SLC49A4: variants seen among roughly 807,000 people sequenced by gnomAD.
SLC49A4 encodes disrupted in renal cancer protein 2.
SLC49A4 carries 36 observed loss-of-function variants against 50.6 expected under a neutral mutation model. The observed-to-expected ratio is 0.71, with a 90% confidence interval of 0.55 to 0.94. SLC49A4 has a LOEUF of 0.94. Among genes scored for constraint, SLC49A4 ranks in the 40% least tolerant of loss-of-function variants. The pLI is 0.00. For missense variants in SLC49A4, 503 were observed against 605.7 expected (o/e 0.83, Z 1.78); for synonymous variants, 248 against 241.2 (o/e 1.03, Z -0.26).
At chr3:122,803,623 T>C (rs1002792268) in intron 1 of SLC49A4, among the ~76,000 whole-genome samples, 6 of 152,202 alleles carry the variant, frequency 3.9e-5, no homozygotes, top group Non-Finnish European at 8.8e-5. Flanking sequence ...TCACTTCAGC[T>C]GATGGAAGTG....
chr3:122,869,296 A>G (rs1159085119), intron 7 of SLC49A4, among the ~76,000 whole-genome samples: 1 of 152,120 alleles, frequency 6.6e-6, no homozygotes, highest in African/African-American at 2.4e-5. Flanking sequence ...GGAATTCTGT[A>G]TATTTACAGA....
rs188753796 is a variant in SLC49A4, at chr3:122,868,088, C to T, written c.1139-4327C>T. 1.1e-4 allele frequency among the ~76,000 whole-genome samples: 17 copies of T among 151,158 alleles called. No homozygotes were observed. In the East Asian group the frequency reaches 3.1e-3, roughly 28 times the overall value. ...CGAGATCACGCCACTGCACTCCAGC[C>T]TGGGCAACAGAGCGAGACTCCGTCT... is the stretch of plus-strand genomic sequence containing the variant. On this transcript the variant is annotated intron_variant, in intron 7 of 8. Coordinates refer to ENST00000261038, the MANE Select transcript of SLC49A4 (RefSeq NM_032839.3).
chr3:122,858,554 TG>T lies in SLC49A4; in HGVS notation c.1011-1519del, dbSNP rs550571659. 2.3e-3 allele frequency among the ~76,000 whole-genome samples: 355 copies of T among 152,278 alleles called. 2 individuals are homozygous for T. Among genetic ancestry groups the T allele is most frequent in the Admixed American group, 5.5e-3 (84 of 15,294 alleles). ...TGCATTCATTTTTCCCACCAAAAGA[TG>T]GCATCAGCTCTCATAGGAAGTCATT... is the stretch of plus-strand genomic sequence containing the variant. On this transcript the variant is annotated intron_variant, in intron 6 of 8. Coordinates refer to ENST00000261038, the MANE Select transcript of SLC49A4 (RefSeq NM_032839.3).
intron 2 of SLC49A4, among the ~76,000 whole-genome samples, chr3:122,810,146 A>C (rs1936279214): frequency 6.6e-6 from 1 of 152,128 alleles, no homozygotes; most frequent in Admixed American, 6.5e-5. Flanking sequence ...GCTCCCCTGC[A>C]CCCTTGACTT....
intron 2 of SLC49A4, among the ~76,000 whole-genome samples, chr3:122,817,961 G>A (rs1253453276): frequency 2.0e-5 from 3 of 151,884 alleles, no homozygotes; most frequent in African/African-American, 7.3e-5. Flanking sequence ...CTACTGATGG[G>A]AATGTAAATT....
At chr3:122,803,669 C>T (rs564590259) in intron 1 of SLC49A4, among the ~76,000 whole-genome samples, 9 of 152,262 alleles carry the variant, frequency 5.9e-5, no homozygotes, top group South Asian at 2.1e-4. Context: ...CAGGTGAGCT[C>T]TGTGCCTGTT....
chr3:122,836,888 C>G (rs1936694946), intron 4 of SLC49A4, among the ~76,000 whole-genome samples: 1 of 152,098 alleles, frequency 6.6e-6, no homozygotes, highest in Non-Finnish European at 1.5e-5. Flanking sequence ...AATTAATGTA[C>G]AAAAATCACA....
intron 4 of SLC49A4, among the ~76,000 whole-genome samples, chr3:122,843,282 A>G (rs1033558239): frequency 2.9e-4 from 8 of 28,008 alleles, no homozygotes; most frequent in East Asian, 7.9e-4. Context: ...GTATAACCCC[A>G]TAAGTCGGTA....
In SLC49A4 at chr3:122,806,850, A is replaced by G. The variant is rs777973950; in HGVS notation, c.344-7A>G. Reference sequence around the variant, plus strand: ...AAGATAATTTCAATGTCTTTGTTTCATTTTAGGTCTCCGGATAACTGTGCT... The same window carrying G: ...AAGATAATTTCAATGTCTTTGTTTCGTTTTAGGTCTCCGGATAACTGTGCT... On this transcript the variant is annotated splice_region_variant and splice_polypyrimidine_tract_variant and intron_variant, in intron 1 of 8. Coordinates refer to ENST00000261038, the MANE Select transcript of SLC49A4 (RefSeq NM_032839.3). 1 of 1,577,952 alleles carries G rather than the reference A, an allele frequency of 6.3e-7. No individual in the cohort carries two copies. Among genetic ancestry groups the G allele is most frequent in the Non-Finnish European group, 8.7e-7 (1 of 1,148,780 alleles).
At chr3:122,836,061 C>A (rs1936679985) in intron 4 of SLC49A4, among the ~76,000 whole-genome samples, 1 of 152,134 alleles carries the variant, frequency 6.6e-6, no homozygotes, top group South Asian at 2.1e-4. Context: ...GGTGAAATAT[C>A]TCTACAATAA....
At chr3:122,840,856 T>C (rs1936760715) in intron 4 of SLC49A4, among the ~76,000 whole-genome samples, 2 of 152,220 alleles carry the variant, frequency 1.3e-5, no homozygotes, top group South Asian at 2.1e-4. Context: ...TCAACAGATA[T>C]TTGCTATCGT....
At chr3:122,859,436 T>C (rs1217318106) in intron 6 of SLC49A4, among the ~76,000 whole-genome samples, 2 of 152,150 alleles carry the variant, frequency 1.3e-5, no homozygotes, top group African/African-American at 4.8e-5. Context: ...TTGAGAGAGA[T>C]CTTTGCAAGT....
At chr3:122,806,155 GTT>G (rs971214184) in intron 1 of SLC49A4, among the ~76,000 whole-genome samples, 1 of 151,124 alleles carries the variant, frequency 6.6e-6, no homozygotes, top group Non-Finnish European at 1.5e-5. Context: ...ACAGTTAAGA[GTT>G]TTTTTTTATT....
chr3:122,866,242 A>G (rs1045055694), intron 7 of SLC49A4, among the ~76,000 whole-genome samples: 2 of 134,052 alleles, frequency 1.5e-5, no homozygotes, highest in Admixed American at 8.4e-5. Context: ...GGGTTTCGCC[A>G]CGTTGTCCAG....
Position 122,795,163 on chromosome 3 carries a change from C to T in SLC49A4, c.-30C>T, listed in dbSNP as rs540992565. Reference sequence around the variant, plus strand: ...AGTCGGCGGTGACCCGGACTGCGCCCGGCAGTGGCTTCGCGGGCGACGCGT... The same window carrying T: ...AGTCGGCGGTGACCCGGACTGCGCCTGGCAGTGGCTTCGCGGGCGACGCGT... On this transcript the variant is annotated 5_prime_UTR_variant, in exon 1 of 9. Transcript: ENST00000261038. The T allele has an allele frequency of 2.1e-5, 27 of 1,313,586 alleles. No homozygotes were observed. In the African/African-American group the frequency reaches 3.7e-4, roughly 18 times the overall value. 81.4% of individuals were successfully genotyped at this position (1,313,586 alleles called of 1,614,324 possible).
intron 1 of SLC49A4, among the ~76,000 whole-genome samples, chr3:122,798,626 TA>T (rs950034075): frequency 3.0e-5 from 4 of 133,718 alleles, no homozygotes; most frequent in African/African-American, 8.0e-5. Flanking sequence ...CCTTGGGTAC[TA>T]AAATATCTTT....
intron 4 of SLC49A4, among the ~76,000 whole-genome samples, chr3:122,843,872 A>G (rs1412431598): frequency 1.3e-5 from 2 of 152,158 alleles, no homozygotes; most frequent in East Asian, 1.9e-4. Flanking sequence ...GACAACTCTC[A>G]TTTTGTGATG....
At chr3:122,824,640 T>TTTCCTTCCCTCCCTCCCTCTCGTCTTTCC (rs1270939320) in intron 2 of SLC49A4, among the ~76,000 whole-genome samples, 3 of 151,406 alleles carry the variant, frequency 2.0e-5, no homozygotes, top group African/African-American at 7.3e-5. Flanking sequence ...TTTCTTTCTT[T>TTTCCTTCCCTCCCTCCCTCTCGTCTTTCC]TTCCTTCCCT....
chr3:122,841,055 G>T (rs1936763058), intron 4 of SLC49A4, among the ~76,000 whole-genome samples: 1 of 152,022 alleles, frequency 6.6e-6, no homozygotes, highest in African/African-American at 2.4e-5. Flanking sequence ...CAGTTTTATA[G>T]CTGGCCAAAT....
Sources: allele counts gnomAD v4.1 joint callset (sites outside exome capture counted in the v4.1 genomes callset), GRCh38; gene constraint gnomAD v4.1.1; transcripts MANE v1.5; gene names NCBI Gene and HGNC (gene_info 2026-07-23, HGNC 2026-07-21).